Variants in DTX4 observed in about 807,000 individuals in gnomAD.
DTX4 encodes deltex E3 ubiquitin ligase 4.
Under a neutral mutation model 57.6 loss-of-function variants are expected in DTX4, and 28 were observed. The observed-to-expected ratio is 0.49, with a 90% CI of 0.36 to 0.67. The LOEUF (loss-of-function observed/expected upper bound fraction) is 0.67, where lower values mean the gene tolerates loss of function less well. Among genes scored for constraint, DTX4 ranks in the 30% least tolerant of loss-of-function variants. The pLI, the probability that DTX4 is intolerant of heterozygous loss-of-function variation, is 0.00. For synonymous variants in DTX4, 316 were observed against 331.0 expected (o/e 0.95, Z 0.49); for missense variants, 715 against 836.8 (o/e 0.85, Z 1.80).
intron 1 of DTX4, 49 bp from the exon 2 acceptor site, chr11:59,181,690 A>G: frequency 6.5e-7 from 1 of 1,538,864 alleles, no homozygotes; most frequent in Non-Finnish European, 8.8e-7. Flanking sequence ...CTTGCCACTC[A>G]GTGTAATTGC....
chr11:59,188,703 A>G (rs1862558153), intron 2 of DTX4, 32 bp from the exon 3 acceptor site: 1 of 1,595,972 alleles, frequency 6.3e-7, no homozygotes, highest in Non-Finnish European at 8.6e-7. Context: ...CACGTGTCAA[A>G]ATGACATTGT....
Position 59,192,217 on chromosome 11 carries a change from C to T in DTX4, c.1341C>T (p.Tyr447=). The change falls in exon 6 of 9, where the codon TAC becomes TAT. Residue 447 remains tyrosine (Y), a synonymous_variant. Transcript: ENST00000227451. The part of the protein sequence containing the change: ...LSRCGHVYHI[Y]CLVAMYNNGN... The stretch of plus-strand genomic sequence containing the variant: ...GATGCGGCCACGTCTACCACATCTA[C>T]TGCTTGGTTGCCATGTACAACAATG... 1 of 1,613,984 alleles carries T rather than the reference C, an allele frequency of 6.2e-7. No homozygotes were observed. The highest frequency in any genetic ancestry group is 8.5e-7 in the Non-Finnish European group (1 of 1,179,894).
At chr11:59,188,677 C>T in intron 2 of DTX4, 58 bp from the exon 3 acceptor site, 1 of 1,421,982 alleles carries the variant, frequency 7.0e-7, no homozygotes, top group Non-Finnish European at 9.9e-7. Context: ...GAATTAAATA[C>T]TGGTCCATTT....
At chr11:59,190,860 G>A (rs1342906970) in intron 4 of DTX4, among the ~76,000 whole-genome samples, 3 of 152,164 alleles carry the variant, frequency 2.0e-5, no homozygotes, top group African/African-American at 7.2e-5. Context: ...TTAAAAAAGT[G>A]GTTTGTTGAA....
In DTX4 at chr11:59,204,892, G is replaced by T. The variant is rs1345004514; in HGVS notation, c.1843G>T (p.Ala615Ser). Reference sequence around the variant, plus strand: ...CCAGGGCATCTCTGAGGACAGCACTGCCCAGGAGAAGGACTGAGGCCAGAA... The same window carrying T: ...CCAGGGCATCTCTGAGGACAGCACTTCCCAGGAGAAGGACTGAGGCCAGAA... ...AAQGISEDSTAQEKD is the reference protein window; with the variant it reads ...AAQGISEDSTSQEKD The change falls in exon 9 of 9, where the codon GCC becomes TCC. Residue 615 changes from alanine to serine, a missense_variant. Transcript: ENST00000227451. The T allele has an allele frequency of 3.8e-6, 6 of 1,585,418 alleles. No homozygotes were observed.
At position 59,195,285 on chromosome 11, in the gene DTX4, G is replaced by A. The variant is rs1253687048; in HGVS notation, c.1452G>A (p.Glu484=). 6.2e-7 allele frequency: 1 copy of A among 1,613,944 alleles called. No homozygotes were observed. The highest frequency in any genetic ancestry group is 1.1e-5 in the South Asian group (1 of 91,086). ...KTGTQPPGKM[E]YHLIPHSLPG... ...GCACCCAACCTCCAGGGAAGATGGA[G>A]TACCACCTCATCCCCCACTCCTTGC... Residue 484 remains glutamate (E), a synonymous_variant, in exon 7 of 9, where the codon GAG becomes GAA. Transcript: ENST00000227451.
At chr11:59,186,771 G>C (rs1466164552) in intron 2 of DTX4, among the ~76,000 whole-genome samples, 1 of 152,206 alleles carries the variant, frequency 6.6e-6, no homozygotes, top group Non-Finnish European at 1.5e-5. Flanking sequence ...CCTGGCCCTG[G>C]GGAGCAGGTC....
At chr11:59,182,678 G>C (rs1862482209) in intron 2 of DTX4, among the ~76,000 whole-genome samples, 1 of 152,148 alleles carries the variant, frequency 6.6e-6, no homozygotes, top group African/African-American at 2.4e-5. Context: ...TGAGACTTTG[G>C]CTCTTCCTAG....
At chr11:59,172,038 C>G (rs1862330091), upstream of DTX4, among the ~76,000 whole-genome samples, 1 of 146,916 alleles carries the variant, frequency 6.8e-6, no homozygotes. Context: ...AGCAGAGCCA[C>G]AGGCAGGGGG....
chr11:59,175,168 T>A (rs1862379948), intron 1 of DTX4, among the ~76,000 whole-genome samples: 2 of 152,240 alleles, frequency 1.3e-5, no homozygotes, highest in African/African-American at 4.8e-5. Context: ...CAACCTCAGC[T>A]AAGCCCTTGC....
chr11:59,189,062 G>T (rs760566997), intron 3 of DTX4, 100 bp from the exon 4 acceptor site: 10 of 1,411,964 alleles, frequency 7.1e-6, no homozygotes, highest in Middle Eastern at 2.4e-4. Context: ...AGAACTTTCT[G>T]CTGGAAAGGA....
intron 2 of DTX4, among the ~76,000 whole-genome samples, chr11:59,183,174 A>C (rs1862487432): frequency 6.6e-6 from 1 of 152,178 alleles, no homozygotes; most frequent in African/African-American, 2.4e-5. Context: ...TAGAGCCCAG[A>C]TTCTGACTCT....
chr11:59,188,584 G>A, intron 2 of DTX4, 151 bp from the exon 3 acceptor site: 1 of 649,620 alleles, frequency 1.5e-6, no homozygotes, highest in South Asian at 1.8e-5. Flanking sequence ...GTTCTGAGTG[G>A]TGGCATGACA....
chr11:59,172,733 G>A lies in DTX4; in HGVS notation c.138G>A (p.Leu46=). 6.2e-7 allele frequency: 1 copy of A among 1,605,316 alleles called. No individual in the cohort carries two copies. Among genetic ancestry groups the A allele is most frequent in the Non-Finnish European group, 8.5e-7 (1 of 1,177,430 alleles). The stretch of plus-strand genomic sequence containing the variant: ...CCCGCGCGGGGGGCAGCGTGGTGCT[G>A]GGCCAGGTGGACAGCCGTCTCGCGC... ...AGPRAGGSVV[L]GQVDSRLAPY... The change falls in exon 1 of 9, where the codon CTG becomes CTA. Residue 46 remains leucine (L), a synonymous_variant. Coordinates refer to ENST00000227451, the MANE Select transcript of DTX4 (RefSeq NM_015177.2).
intron 1 of DTX4, among the ~76,000 whole-genome samples, chr11:59,178,975 G>C (rs1862427815): frequency 6.6e-6 from 1 of 151,566 alleles, no homozygotes; most frequent in South Asian, 2.1e-4. Context: ...GTATATTATA[G>C]ATCCATGGCA....
chr11:59,188,143 C>T (rs1459475243), intron 2 of DTX4, among the ~76,000 whole-genome samples: 1 of 152,070 alleles, frequency 6.6e-6, no homozygotes, highest in East Asian at 1.9e-4. Flanking sequence ...TGGCTCTGAA[C>T]AAAACAGACA....
chr11:59,175,780 A>G (rs1266494665), intron 1 of DTX4, among the ~76,000 whole-genome samples: 1 of 152,136 alleles, frequency 6.6e-6, no homozygotes, highest in African/African-American at 2.4e-5. Flanking sequence ...CCAGGTTTTC[A>G]GTAGCAGGAT....
intron 1 of DTX4, among the ~76,000 whole-genome samples, chr11:59,173,268 C>T (rs1027663494): frequency 6.6e-6 from 1 of 152,224 alleles, no homozygotes; most frequent in Non-Finnish European, 1.5e-5. Context: ...CCCTCACCCC[C>T]GATCTCACTG....
Position 59,199,583 on chromosome 11 carries a change from A to G in DTX4, c.1537-101A>G, listed in dbSNP as rs1481931076. On this transcript the variant is annotated intron_variant, in intron 7 of 8. Transcript: ENST00000227451. ...TGTTCTCTGTTGAAGCTTTATGGGA[A>G]TTATTATTGTCATTATTATTGAAAT... 7.6e-6 allele frequency: 7 copies of G among 922,140 alleles called. No homozygotes were observed. The African/African-American group carries it at 1.0e-4, about 13-fold the overall frequency. 57.1% of individuals were successfully genotyped at this position (922,140 alleles called of 1,614,324 possible). A position where few individuals can be genotyped will look rare whatever the true frequency, so the allele number is the denominator to read the frequency against.
Sources: allele counts gnomAD v4.1 joint callset (sites outside exome capture counted in the v4.1 genomes callset), GRCh38; gene constraint gnomAD v4.1.1; transcripts MANE v1.5; gene names NCBI Gene and HGNC (gene_info 2026-07-23, HGNC 2026-07-21).